The following LEMD1 variants were observed in gnomAD, a reference collection of about 807,000 sequenced individuals.
LEMD1 encodes LEM domain-containing protein 1.
A neutral mutation model predicts 17.4 loss-of-function variants in LEMD1; 18 were observed. The ratio of observed to expected loss-of-function variants is 1.04; its 90% confidence interval spans 0.72 to 1.54. The LOEUF (loss-of-function observed/expected upper bound fraction) is 1.54, where lower values mean the gene tolerates loss of function less well. Ranked by LOEUF, LEMD1 falls within the 40% of genes most tolerant of loss-of-function variation. LEMD1 has a pLI of 0.00. For synonymous variants in LEMD1, 88 were observed against 77.8 expected (o/e 1.13, Z -0.69); for missense variants, 195 against 210.4 (o/e 0.93, Z 0.45).
At chr1:205,427,021 C>A (rs114500686), upstream of LEMD1, among the ~76,000 whole-genome samples, 331 of 152,114 alleles carry the variant, frequency 2.2e-3, 1 homozygote, top group African/African-American at 7.7e-3. Flanking sequence ...CCCCAGGGAA[C>A]CTTAAGAGGC....
intron 4 of LEMD1, among the ~76,000 whole-genome samples, chr1:205,411,520 C>T (rs1261854474): frequency 7.2e-6 from 1 of 139,018 alleles, no homozygotes; most frequent in African/African-American, 2.7e-5. Context: ...TGTGCCACTG[C>T]ACTCCAGCCT....
At chr1:205,399,677 A>G (rs1664748702) in intron 4 of LEMD1, among the ~76,000 whole-genome samples, 2 of 152,266 alleles carry the variant, frequency 1.3e-5, no homozygotes, top group African/African-American at 4.8e-5. Context: ...AGGACACAGT[A>G]TCTATCTTGA....
intron 5 of LEMD1, among the ~76,000 whole-genome samples, chr1:205,382,590 C>T (rs1161105201): frequency 2.0e-5 from 3 of 152,108 alleles, no homozygotes; most frequent in Non-Finnish European, 2.9e-5. Flanking sequence ...ATACTAACAG[C>T]GTATTGGGGG....
In LEMD1 at chr1:205,448,258, G is replaced by GGC. The variant is rs1307126710; in HGVS notation, c.-39+1608_-39+1609dup. The GGC allele has an allele frequency of 7.9e-6, 4 of 504,908 alleles. No individual in the cohort carries two copies. Among genetic ancestry groups the GGC allele is most frequent in the South Asian group, 4.3e-5 (3 of 70,100 alleles). The allele number at this position is 504,908 out of a possible 1,614,324, so 31.3% of individuals were successfully genotyped here. ...CTCCTTCTGGTGCCCCTTGGTGGCTGGCTCCGAACCTGGTCCCATGGGAGG... is the reference window on the plus strand; with the variant it reads ...CTCCTTCTGGTGCCCCTTGGTGGCTGGCGCTCCGAACCTGGTCCCATGGGAGG... On this transcript the variant is annotated intron_variant, in intron 1 of 3. Coordinates refer to the LEMD1 transcript ENST00000367154. This position sits in a 1 kb window ranked among gnomAD's most constrained non-coding sequence, Gnocchi z 4.7.
rs374760242 is a variant in LEMD1, at chr1:205,390,370, C to A, written c.271-6006G>T. On this transcript the variant is annotated intron_variant, in intron 4 of 5. Coordinates refer to ENST00000367153, the MANE Select transcript of LEMD1 (RefSeq NM_001199050.2). ...ACTCTCTCTCTAAAAAAAAAAAAAA[C>A]AACAAACTTTTAGTAAACCAGGAAT... Among the ~76,000 whole-genome samples, 32 of 148,246 alleles carry A rather than the reference C, an allele frequency of 2.2e-4. 1 individual carries two copies. In the South Asian group the frequency reaches 5.5e-3, roughly 26 times the overall value.
chr1:205,401,484 A>C (rs1282876590), intron 4 of LEMD1, among the ~76,000 whole-genome samples: 3 of 152,022 alleles, frequency 2.0e-5, no homozygotes, highest in African/African-American at 7.3e-5. Context: ...TTTTGGCTGC[A>C]TAAATGTCTT....
chr1:205,411,307 C>T (rs531608874), intron 4 of LEMD1, among the ~76,000 whole-genome samples: 2 of 150,922 alleles, frequency 1.3e-5, no homozygotes, highest in African/African-American at 4.9e-5. Context: ...GTGGCTCACG[C>T]CTGTAATCCC....
intron 4 of LEMD1, among the ~76,000 whole-genome samples, chr1:205,408,048 T>C (rs1209352128): frequency 5.3e-5 from 8 of 151,494 alleles, no homozygotes; most frequent in Admixed American, 4.6e-4. Context: ...TGGCTCCAGA[T>C]CGAAGGAGAA....
intron 4 of LEMD1, among the ~76,000 whole-genome samples, chr1:205,400,844 C>CT (rs145794690): frequency 3.0e-4 from 1 of 3,370 alleles, no homozygotes; most frequent in Non-Finnish European, 1.0e-3. Flanking sequence ...TGCTATCCCT[C>CT]CCCCCCCCCA....
chr1:205,393,342 A>G (rs1020571808), intron 4 of LEMD1, among the ~76,000 whole-genome samples: 1 of 150,844 alleles, frequency 6.6e-6, no homozygotes, highest in African/African-American at 2.4e-5. Context: ...TAAAAACTAC[A>G]ATGAGATACC....
At chr1:205,393,079 A>G (rs1336823328) in intron 4 of LEMD1, among the ~76,000 whole-genome samples, 1 of 152,152 alleles carries the variant, frequency 6.6e-6, no homozygotes, top group Non-Finnish European at 1.5e-5. Context: ...AAGACAATGT[A>G]TAGACTGGAA....
At chr1:205,383,988 G>C (rs1258556286) in intron 5 of LEMD1, among the ~76,000 whole-genome samples, 2 of 150,078 alleles carry the variant, frequency 1.3e-5, no homozygotes, top group Non-Finnish European at 1.5e-5. Flanking sequence ...ACCTTCCAAG[G>C]CACAAATAGA....
At chr1:205,390,103 G>T (rs1248349277) in intron 4 of LEMD1, among the ~76,000 whole-genome samples, 1 of 152,004 alleles carries the variant, frequency 6.6e-6, no homozygotes, top group Non-Finnish European at 1.5e-5. Flanking sequence ...GCCTGTAATT[G>T]CAGCACTTTG....
chr1:205,387,948 C>T (rs1664116803), intron 4 of LEMD1, among the ~76,000 whole-genome samples: 1 of 152,344 alleles, frequency 6.6e-6, no homozygotes, highest in Admixed American at 6.5e-5. Context: ...TAATTTCATT[C>T]TCAAAACCAC....
At chr1:205,434,540 A>T (rs1321135542) in intron 1 of LEMD1, among the ~76,000 whole-genome samples, 4 of 151,638 alleles carry the variant, frequency 2.6e-5, no homozygotes, top group African/African-American at 9.7e-5. Context: ...GTCCTAAACC[A>T]CCTTCCCTGT....
chr1:205,405,805 GCT>G (rs1347598443), intron 4 of LEMD1, among the ~76,000 whole-genome samples: 25 of 135,516 alleles, frequency 1.8e-4, no homozygotes, highest in Admixed American at 1.8e-3. Context: ...CAGTTTTTCT[GCT>G]CTGTTTTTTT....
intron 1 of LEMD1, among the ~76,000 whole-genome samples, chr1:205,420,829 G>A (rs189514100): frequency 2.6e-5 from 4 of 152,198 alleles, no homozygotes; most frequent in Admixed American, 2.6e-4. Context: ...TCTGTTCAAT[G>A]AATATGAGAA....
chr1:205,420,058 C>T (rs1380071627), intron 2 of LEMD1, among the ~76,000 whole-genome samples: 2 of 152,192 alleles, frequency 1.3e-5, no homozygotes, highest in Non-Finnish European at 2.9e-5. Context: ...TGACTCACGC[C>T]TGTAATTCCA....
intron 2 of LEMD1, among the ~76,000 whole-genome samples, chr1:205,420,128 G>A (rs779772617): frequency 2.0e-5 from 3 of 152,146 alleles, no homozygotes; most frequent in Non-Finnish European, 4.4e-5. Flanking sequence ...GACAAGCCTG[G>A]CCAACATGGT....
Sources: allele counts gnomAD v4.1 joint callset (sites outside exome capture counted in the v4.1 genomes callset), GRCh38; gene constraint gnomAD v4.1.1; non-coding constraint Gnocchi (gnomAD v3.1); transcripts MANE v1.5; gene names NCBI Gene and HGNC (gene_info 2026-07-23, HGNC 2026-07-21).